PCDHGB1: variants seen among roughly 807,000 people sequenced by gnomAD.
PCDHGB1 encodes protocadherin gamma-B1.
Under a neutral mutation model 56.6 loss-of-function variants are expected in PCDHGB1, and 34 were observed. The ratio of observed to expected loss-of-function variants is 0.60; its 90% CI spans 0.46 to 0.80. PCDHGB1 has a LOEUF of 0.80. PCDHGB1 is among the 30% of genes least tolerant of loss of function. The pLI, the probability that PCDHGB1 is intolerant of heterozygous loss-of-function variation, is 0.00. For synonymous variants in PCDHGB1, 561 were observed against 505.9 expected, an observed-to-expected ratio of 1.11 and a Z score of -1.46; for missense variants, 1,278 against 1,204.6, an observed-to-expected ratio of 1.06 and a Z score of -0.90.
chr5:141,490,065 C>A lies in PCDHGB1; in HGVS notation c.2410-4742C>A, dbSNP rs1161257597. ...CTGATCCAGACGAGGGCACCAACGG[C>A]CAACTAGACTATTCTTTTGGAGACC... On this transcript the variant is annotated intron_variant, in intron 1 of 3. Coordinates refer to ENST00000523390, the MANE Select transcript of PCDHGB1 (RefSeq NM_018922.3). This position sits in a 1 kb window ranked among gnomAD's most constrained non-coding sequence, Gnocchi z 5.4. 1 of 1,614,258 alleles carries A rather than the reference C, an allele frequency of 6.2e-7. No individual in the cohort carries two copies. Among genetic ancestry groups the A allele is most frequent in the South Asian group, 1.1e-5 (1 of 91,090 alleles).
intron 1 of PCDHGB1, chr5:141,400,466 C>T: frequency 6.2e-7 from 1 of 1,614,024 alleles, no homozygotes; most frequent in Non-Finnish European, 8.5e-7. Context: ...TGTGGTGATT[C>T]ATCTGGGGCC....
chr5:141,435,853 T>C (rs1034164236), intron 1 of PCDHGB1, among the ~76,000 whole-genome samples: 1 of 152,110 alleles, frequency 6.6e-6, no homozygotes, highest in African/African-American at 2.4e-5. Context: ...AAAGATACAA[T>C]AGTTAAAACC....
In PCDHGB1 at chr5:141,408,872, G is replaced by T. The variant is rs752537671; in HGVS notation, c.2409+56203G>T. 3.1e-6 allele frequency: 5 copies of T among 1,613,448 alleles called. No individual in the cohort carries two copies. The highest frequency in any genetic ancestry group is 4.2e-6 in the Non-Finnish European group (5 of 1,179,760). Reference sequence around the variant, plus strand: ...GGACGGAGGGGACCCACCAAGAAGTGCCACCGCTCACATAGAAATTTCTGT... The same window carrying T: ...GGACGGAGGGGACCCACCAAGAAGTTCCACCGCTCACATAGAAATTTCTGT... On this transcript the variant is annotated intron_variant, in intron 1 of 3. Transcript: ENST00000523390.
intron 1 of PCDHGB1, chr5:141,385,463 T>A: frequency 6.9e-7 from 1 of 1,443,350 alleles, no homozygotes; most frequent in Non-Finnish European, 9.1e-7. Flanking sequence ...TTTCCTTCAG[T>A]GGTGACACTT....
chr5:141,477,080 A>C lies in PCDHGB1; in HGVS notation c.2410-17727A>C. 1 of 1,614,254 alleles carries C rather than the reference A, an allele frequency of 6.2e-7. No homozygotes were observed. ...GGACACCAAACTCCATGAGATTTAC[A>C]TCCAGGCCAAAGACAAGGGCGCCAA... On this transcript the variant is annotated intron_variant, in intron 1 of 3. Coordinates refer to ENST00000523390, the MANE Select transcript of PCDHGB1 (RefSeq NM_018922.3). This position sits in a 1 kb window ranked among gnomAD's most constrained non-coding sequence, Gnocchi z 4.9.
In PCDHGB1 at chr5:141,376,236, G is replaced by T. The variant is rs202155785; in HGVS notation, c.2409+23567G>T. ...GTGCTGCTGGCGCTCAGACTGCAGCGCTGGCACAAGTCACGCCTGCTGCAG... is the reference window on the plus strand; with the variant it reads ...GTGCTGCTGGCGCTCAGACTGCAGCTCTGGCACAAGTCACGCCTGCTGCAG... On this transcript the variant is annotated intron_variant, in intron 1 of 3. Coordinates refer to ENST00000523390, the MANE Select transcript of PCDHGB1 (RefSeq NM_018922.3). The T allele has an allele frequency of 2.8e-3, 4,477 of 1,614,208 alleles. 145 individuals carry two copies. In the South Asian group the frequency reaches 0.046, roughly 17 times the overall value.
At chr5:141,430,573 A>C (rs938248057) in intron 1 of PCDHGB1, 8 of 448,940 alleles carry the variant, frequency 1.8e-5, no homozygotes, top group Non-Finnish European at 3.0e-5. Context: ...AGAAAAGCGG[A>C]GATCCTGCTC....
chr5:141,378,013 A>G (rs2150121328), intron 1 of PCDHGB1: 1 of 152,212 alleles, frequency 6.6e-6, no homozygotes, highest in East Asian at 1.9e-4. Context: ...AATAAGCTCT[A>G]CTTATATTAT....
chr5:141,417,751 C>T, intron 1 of PCDHGB1: 1 of 1,427,514 alleles, frequency 7.0e-7, no homozygotes, highest in Non-Finnish European at 9.2e-7. Flanking sequence ...AGATTGCCAG[C>T]TCCGAGACCC....
At chr5:141,359,409 A>G (rs1243089607) in intron 1 of PCDHGB1, among the ~76,000 whole-genome samples, 4 of 152,002 alleles carry the variant, frequency 2.6e-5, no homozygotes, top group Non-Finnish European at 2.9e-5. Flanking sequence ...TTTTTAAAAA[A>G]TGTGTTTTTG....
intron 1 of PCDHGB1, among the ~76,000 whole-genome samples, chr5:141,472,980 C>CAAAAAAAAAAAAAAAAAGAAAAAA (rs2099309731): frequency 2.3e-5 from 2 of 86,106 alleles, no homozygotes; most frequent in Non-Finnish European, 5.0e-5. Flanking sequence ...GAGTGAAACT[C>CAAAAAAAAAAAAAAAAAGAAAAAA]AAAAAAAAAA....
chr5:141,425,763 G>A (rs959881638), intron 1 of PCDHGB1, among the ~76,000 whole-genome samples: 3 of 152,164 alleles, frequency 2.0e-5, no homozygotes, highest in Non-Finnish European at 4.4e-5. Context: ...TCTACAACAG[G>A]AGAGAAGACT....
intron 1 of PCDHGB1, among the ~76,000 whole-genome samples, chr5:141,425,336 G>A (rs2096868804): frequency 6.6e-6 from 1 of 152,182 alleles, no homozygotes; most frequent in South Asian, 2.1e-4. Flanking sequence ...CAAAAAGGAA[G>A]GGTTGGCTTT....
chr5:141,409,282 A>G (rs769745022), intron 1 of PCDHGB1: 1 of 1,613,958 alleles, frequency 6.2e-7, no homozygotes, highest in East Asian at 2.2e-5. Context: ...TGGAGAATTC[A>G]CCTCCAGGAA....
chr5:141,460,498 T>C (rs1028506755), intron 1 of PCDHGB1, among the ~76,000 whole-genome samples: 3 of 152,184 alleles, frequency 2.0e-5, no homozygotes, highest in African/African-American at 7.2e-5. Context: ...TGGAAAAATA[T>C]GCTGAGAAGG....
chr5:141,408,230 C>G (rs1470965375), intron 1 of PCDHGB1: 1 of 1,566,168 alleles, frequency 6.4e-7, no homozygotes, highest in Non-Finnish European at 8.7e-7. Flanking sequence ...GCAGAGGCGC[C>G]GGGCCGGCCC....
At chr5:141,366,314 G>A (rs759896356) in intron 1 of PCDHGB1, 9 of 1,613,624 alleles carry the variant, frequency 5.6e-6, no homozygotes, top group South Asian at 5.5e-5. Flanking sequence ...CACGGTCACC[G>A]TTGCCGTGGC....
chr5:141,386,917 T>C (rs535277219), intron 1 of PCDHGB1, among the ~76,000 whole-genome samples: 1 of 152,302 alleles, frequency 6.6e-6, no homozygotes, highest in Non-Finnish European at 1.5e-5. Flanking sequence ...CCAAGGAATG[T>C]AAAATAAGTG....
At chr5:141,383,102 C>T (rs991434235) in intron 1 of PCDHGB1, 1 of 1,614,004 alleles carries the variant, frequency 6.2e-7, no homozygotes, top group Non-Finnish European at 8.5e-7. Context: ...CGCATCATCT[C>T]CAGAGGTAGG....
Sources: allele counts gnomAD v4.1 joint callset (sites outside exome capture counted in the v4.1 genomes callset), GRCh38; gene constraint gnomAD v4.1.1; non-coding constraint Gnocchi (gnomAD v3.1); transcripts MANE v1.5; gene names NCBI Gene and HGNC (gene_info 2026-07-23, HGNC 2026-07-21).